GPBP1: variants seen among roughly 807,000 people sequenced by gnomAD.
GPBP1 encodes vasculin.
A neutral mutation model predicts 56.5 loss-of-function variants in GPBP1; 13 were observed. That is an observed-to-expected ratio of 0.23 (90% CI 0.15 to 0.37). The LOEUF (loss-of-function observed/expected upper bound fraction) is 0.37, where lower values mean the gene tolerates loss of function less well. GPBP1 is among the 10% of genes least tolerant of loss of function. The pLI is 1.00. For synonymous variants in GPBP1, 204 were observed against 188.9 expected (o/e 1.08, Z -0.66); for missense variants, 477 against 572.3 (o/e 0.83, Z 1.70).
chr5:57,213,981 C>T, intron 2 of GPBP1, 93 bp from the exon 3 acceptor site: 3 of 605,946 alleles, frequency 5.0e-6, no homozygotes, highest in Non-Finnish European at 8.9e-6. Flanking sequence ...AAATAGAATC[C>T]TATAGTAGTA....
intron 6 of GPBP1, among the ~76,000 whole-genome samples, chr5:57,240,034 G>A (rs1256737760): frequency 2.6e-5 from 4 of 152,056 alleles, no homozygotes; most frequent in African/African-American, 9.7e-5. Flanking sequence ...CACAGGATGG[G>A]GGTATCACTT....
intron 1 of GPBP1, 108 bp downstream of exon 1, chr5:57,174,319 G>A (rs1753697044): frequency 6.5e-6 from 1 of 152,692 alleles, no homozygotes; most frequent in Non-Finnish European, 1.5e-5. Flanking sequence ...CGCGAGGTGT[G>A]AGGCTGCCCG....
chr5:57,224,939 C>T (rs188397940), intron 3 of GPBP1, among the ~76,000 whole-genome samples: 82 of 151,632 alleles, frequency 5.4e-4, no homozygotes, highest in Middle Eastern at 3.4e-3. Context: ...CTACAGTATC[C>T]ATTGAGAACG....
In GPBP1 at chr5:57,261,279, A is replaced by G. The variant is rs1460936149; in HGVS notation, c.1260A>G (p.Glu420=). ...DEMREFQVIS[E]QLQKNGLRKN... is the part of the protein sequence containing the mutation. The stretch of plus-strand genomic sequence containing the variant: ...TGAGAGAATTCCAAGTTATTAGTGA[A>G]CAGGTAAGAAAACCTGAATCATACA... The change falls in exon 11 of 12, where the codon GAA becomes GAG. Residue 420 remains glutamate, a synonymous_variant. Coordinates refer to ENST00000506184, the MANE Select transcript of GPBP1 (RefSeq NM_022913.4). 6.4e-7 allele frequency: 1 copy of G among 1,572,176 alleles called. No homozygotes were observed. The highest frequency in any genetic ancestry group is 8.8e-7 in the Non-Finnish European group (1 of 1,141,876).
rs538882292 is a variant in GPBP1 at position 57,204,530 on chromosome 5, G to A, written c.-57-9544G>A. On this transcript the variant is annotated intron_variant, in intron 2 of 11. Transcript: ENST00000506184. Reference sequence around the variant, plus strand: ...GCCTCCCAAAGTGCTGGGATTATAGGCATGAGCCACTTTGCCTGGCTTGAT... The same window carrying A: ...GCCTCCCAAAGTGCTGGGATTATAGACATGAGCCACTTTGCCTGGCTTGAT... Among the ~76,000 whole-genome samples, 62 of 152,260 alleles carry A rather than the reference G, an allele frequency of 4.1e-4. 2 individuals carry two copies. In the South Asian group the frequency reaches 0.013, roughly 32 times the overall value.
At chr5:57,259,313 G>A (rs1410176927) in intron 10 of GPBP1, among the ~76,000 whole-genome samples, 3 of 152,092 alleles carry the variant, frequency 2.0e-5, no homozygotes, top group African/African-American at 7.2e-5. Flanking sequence ...TTTATTCAAG[G>A]TCTCAGATAT....
At chr5:57,189,494 G>A (rs1754427838) in intron 2 of GPBP1, among the ~76,000 whole-genome samples, 1 of 152,196 alleles carries the variant, frequency 6.6e-6, no homozygotes, top group African/African-American at 2.4e-5. Context: ...CTGGCCTGTG[G>A]TGATCCACCC....
intron 3 of GPBP1, among the ~76,000 whole-genome samples, chr5:57,229,949 TCCC>T (rs1756373644): frequency 6.7e-6 from 1 of 148,884 alleles, no homozygotes; most frequent in Non-Finnish European, 1.5e-5. Flanking sequence ...TCGCGTCCCG[TCCC>T]GTCCCGTCCC....
intron 3 of GPBP1, chr5:57,221,357 T>C: frequency 1.3e-6 from 2 of 1,523,158 alleles, no homozygotes; most frequent in Non-Finnish European, 1.8e-6. Context: ...TTGTGACTGA[T>C]CTTATCATTT....
In GPBP1 at chr5:57,184,254, A is replaced by G. The variant is rs1754189781; in HGVS notation, c.-58+7854A>G. On this transcript the variant is annotated intron_variant, in intron 2 of 11. Coordinates refer to ENST00000506184, the MANE Select transcript of GPBP1 (RefSeq NM_022913.4). ...CTCAAAGGGAAAAAAAATTAGGTTTATTGGGGTGTAATGTACATAACTTTG... is the reference window on the plus strand; with the variant it reads ...CTCAAAGGGAAAAAAAATTAGGTTTGTTGGGGTGTAATGTACATAACTTTG... Among the ~76,000 whole-genome samples the G allele has an allele frequency of 2.0e-5, 3 of 152,006 alleles. 1 individual carries two copies. The highest frequency in any genetic ancestry group is 2.9e-5 in the Non-Finnish European group (2 of 68,000).
chr5:57,231,349 TG>T (rs1244335681), intron 5 of GPBP1, 28 bp downstream of exon 5: 3 of 1,564,100 alleles, frequency 1.9e-6, no homozygotes, highest in Non-Finnish European at 2.6e-6. Context: ...TTTATACAAA[TG>T]AAGTTTCTGT....
At chr5:57,215,464 T>A in intron 3 of GPBP1, among the ~76,000 whole-genome samples, 1 of 152,254 alleles carries the variant, frequency 6.6e-6, no homozygotes, top group East Asian at 1.9e-4. Flanking sequence ...CTGATTGCTC[T>A]ATTGTTTTCA....
rs1189884059 is a variant in GPBP1, at chr5:57,190,200, TTTA to T, written c.-58+13805_-58+13807del. Among the ~76,000 whole-genome samples, 4 of 150,608 alleles carry T rather than the reference TTTA, an allele frequency of 2.7e-5. No individual in the cohort carries two copies. In the East Asian group the frequency reaches 8.1e-4, roughly 30 times the overall value. ...GGGGGATTGGGTGTATATGGTTGTT[TTTA>T]TTATAGAGCTATTTTTAACTGCTTG... On this transcript the variant is annotated intron_variant, in intron 2 of 11. Transcript: ENST00000506184.
intron 3 of GPBP1, among the ~76,000 whole-genome samples, chr5:57,226,594 C>G (rs1199627675): frequency 8.8e-6 from 1 of 113,792 alleles, no homozygotes; most frequent in Non-Finnish European, 1.6e-5. Context: ...GAGTCTTGCT[C>G]TGTCACTCAG....
chr5:57,196,523 C>G (rs1423340552), intron 2 of GPBP1, among the ~76,000 whole-genome samples: 1 of 152,176 alleles, frequency 6.6e-6, no homozygotes, highest in Non-Finnish European at 1.5e-5. Flanking sequence ...CAAATAACCA[C>G]TGAACAAATT....
chr5:57,182,545 G>A (rs927745804), intron 2 of GPBP1, among the ~76,000 whole-genome samples: 1 of 148,226 alleles, frequency 6.7e-6, no homozygotes, highest in African/African-American at 2.5e-5. Context: ...GCTAATTTTT[G>A]TATTTTTAGT....
chr5:57,180,026 G>A (rs1408479991), intron 2 of GPBP1, among the ~76,000 whole-genome samples: 3 of 152,082 alleles, frequency 2.0e-5, no homozygotes, highest in Admixed American at 6.6e-5. Flanking sequence ...AAAAAAACTG[G>A]GGAGAGTTAC....
chr5:57,178,653 A>G (rs562599715), intron 2 of GPBP1, among the ~76,000 whole-genome samples: 2 of 152,374 alleles, frequency 1.3e-5, no homozygotes, highest in Admixed American at 6.5e-5. Flanking sequence ...TTAATCTGTG[A>G]ATAGTCTATA....
intron 6 of GPBP1, among the ~76,000 whole-genome samples, chr5:57,238,822 A>ATAC (rs1340997198): frequency 6.6e-6 from 1 of 152,202 alleles, no homozygotes; most frequent in African/African-American, 2.4e-5. Flanking sequence ...CATATTTGAT[A>ATAC]TACTACTTAA....
Sources: allele counts gnomAD v4.1 joint callset (sites outside exome capture counted in the v4.1 genomes callset), GRCh38; gene constraint gnomAD v4.1.1; transcripts MANE v1.5; gene names NCBI Gene and HGNC (gene_info 2026-07-23, HGNC 2026-07-21).